The following TNRC6C variants were observed in gnomAD, a reference collection of about 807,000 sequenced individuals.
TNRC6C encodes trinucleotide repeat-containing gene 6C protein.
In TNRC6C, 20 loss-of-function variants were observed where a neutral mutation model predicts 153.7. That is an observed-to-expected ratio of 0.13 (90% CI 0.09 to 0.19). The LOEUF (loss-of-function observed/expected upper bound fraction) is 0.19, where lower values mean the gene tolerates loss of function less well. Among genes scored for constraint, TNRC6C ranks in the 10% least tolerant of loss-of-function variants. The pLI is 1.00. For synonymous variants in TNRC6C, 811 were observed against 841.4 expected (o/e 0.96, Z 0.63); for missense variants, 1,987 against 2,172.0 (o/e 0.91, Z 1.69).
Position 78,104,365 on chromosome 17 carries a change from A to G in TNRC6C, c.4713-120A>G, listed in dbSNP as rs2073651080. The G allele has an allele frequency of 2.2e-6, 3 of 1,362,464 alleles. No homozygotes were observed. The South Asian group carries it at 5.0e-5, about 23-fold the overall frequency. 84.4% of individuals were successfully genotyped at this position (1,362,464 alleles called of 1,614,324 possible). A position where few individuals can be genotyped will look rare whatever the true frequency, so the allele number is the denominator to read the frequency against. ...GTCTGGGTTTGGAAATAGCAGTGGC[A>G]AAACAGAAGCCACAGGATGGCTTCC... is the stretch of plus-strand genomic sequence containing the variant. On this transcript the variant is annotated intron_variant, in intron 19 of 19. Coordinates refer to ENST00000301624, the Ensembl canonical transcript of TNRC6C. The surrounding 1 kb of genome is among the most constrained non-coding windows in gnomAD (Gnocchi z 6.2).
rs770666252 is a variant in TNRC6C at position 78,103,687 on chromosome 17, AG to A, written c.4712+136del. 2.0e-5 allele frequency: 26 copies of A among 1,295,528 alleles called. 1 individual carries two copies. Among genetic ancestry groups the A allele is most frequent in the East Asian group, 1.7e-4 (7 of 40,470 alleles). The allele number at this position is 1,295,528 out of a possible 1,614,324, so 80.3% of individuals were successfully genotyped here. A position where few individuals can be genotyped will look rare whatever the true frequency, so the allele number is the denominator to read the frequency against. ...AGGCTGGCCACCCTCCCACTTCTGG[AG>A]GCTGGAAGTCTGATACCCAAGATGA... On this transcript the variant is annotated intron_variant, in intron 19 of 19. Coordinates refer to ENST00000301624, the Ensembl canonical transcript of TNRC6C.
intron 1 of TNRC6C, among the ~76,000 whole-genome samples, chr17:77,983,871 T>C (rs1196134892): frequency 6.6e-6 from 1 of 152,202 alleles, no homozygotes; most frequent in African/African-American, 2.4e-5. Context: ...GAGTAATTAA[T>C]ATAGCCAGTG....
chr17:78,040,341 T>G (rs2072267043), intron 2 of TNRC6C, among the ~76,000 whole-genome samples: 1 of 152,178 alleles, frequency 6.6e-6, no homozygotes. Context: ...TAAAAAATAA[T>G]AATAATAATA....
intron 1 of TNRC6C, among the ~76,000 whole-genome samples, chr17:77,970,171 G>T (rs1336998383): frequency 6.6e-6 from 1 of 152,234 alleles, no homozygotes; most frequent in African/African-American, 2.4e-5. Flanking sequence ...CAGACACCTG[G>T]TTTGGGCTAA....
At chr17:77,997,955 A>G (rs2071355292) in intron 1 of TNRC6C, among the ~76,000 whole-genome samples, 1 of 152,132 alleles carries the variant, frequency 6.6e-6, no homozygotes, top group African/African-American at 2.4e-5. Context: ...CGCCTGGCCG[A>G]CAACCATTTT....
chr17:78,077,766 T>G (rs576255796), intron 9 of TNRC6C: 12 of 184,776 alleles, frequency 6.5e-5, no homozygotes, highest in African/African-American at 2.9e-4. Flanking sequence ...AAAGATGACA[T>G]CTCTTGCAAG....
chr17:78,094,143 A>G (rs9899880), intron 16 of TNRC6C, among the ~76,000 whole-genome samples: 35,717 of 151,694 alleles, frequency 0.24, 5,006 homozygotes, highest in African/African-American at 0.38. Context: ...CACCATACCA[A>G]GCTAATTTTT....
At chr17:78,041,313 C>G (rs923669089) in intron 2 of TNRC6C, among the ~76,000 whole-genome samples, 1 of 152,138 alleles carries the variant, frequency 6.6e-6, no homozygotes, top group Admixed American at 6.5e-5. Context: ...TGCTAAAGAT[C>G]TGCCGCACGG....
chr17:78,073,993 G>T (rs1001403382), intron 7 of TNRC6C, among the ~76,000 whole-genome samples: 2 of 152,158 alleles, frequency 1.3e-5, no homozygotes, highest in African/African-American at 2.4e-5. Context: ...ACAGGTCAGT[G>T]AATTTTTTAG....
At chr17:78,032,025 C>T (rs1387781354) in intron 2 of TNRC6C, among the ~76,000 whole-genome samples, 183 bp downstream of exon 4, 1 of 152,072 alleles carries the variant, frequency 6.6e-6, no homozygotes, top group Non-Finnish European at 1.5e-5. Flanking sequence ...TATTTATTTA[C>T]ATTATTGGTC....
intron 1 of TNRC6C, among the ~76,000 whole-genome samples, chr17:77,973,625 T>C (rs776095421): frequency 1.9e-4 from 29 of 152,352 alleles, no homozygotes; most frequent in Non-Finnish European, 3.1e-4. Flanking sequence ...CTTGAACTAG[T>C]AAATAAGTTT....
chr17:78,091,356 A>G lies in TNRC6C; in HGVS notation c.3803-84A>G, dbSNP rs1019111071. Reference sequence around the variant, plus strand: ...AAAAAAAAAAATTTGCTGTAAGCGAAGACTGAAATAGCTTCTATAGGAGAG... The same window carrying G: ...AAAAAAAAAAATTTGCTGTAAGCGAGGACTGAAATAGCTTCTATAGGAGAG... On this transcript the variant is annotated intron_variant, in intron 13 of 19. Coordinates refer to ENST00000301624, the Ensembl canonical transcript of TNRC6C. 3 of 1,366,502 alleles carry G rather than the reference A, an allele frequency of 2.2e-6. No homozygotes were observed. In the African/African-American group the frequency reaches 4.5e-5, roughly 21 times the overall value. 84.6% of individuals were successfully genotyped at this position (1,366,502 alleles called of 1,614,324 possible). A position where few individuals can be genotyped will look rare whatever the true frequency, so the allele number is the denominator to read the frequency against.
At chr17:78,004,553 G>GA (rs1159633514), upstream of TNRC6C, among the ~76,000 whole-genome samples, 2 of 152,032 alleles carry the variant, frequency 1.3e-5, no homozygotes, top group Non-Finnish European at 2.9e-5. Context: ...GAACTGTCCT[G>GA]AACAACCATG....
chr17:77,969,311 G>T (rs925172739), intron 1 of TNRC6C, among the ~76,000 whole-genome samples: 2 of 151,556 alleles, frequency 1.3e-5, no homozygotes, highest in African/African-American at 4.9e-5. Flanking sequence ...GTGCAGTGGC[G>T]CAATCTCGGC....
intron 7 of TNRC6C, among the ~76,000 whole-genome samples, chr17:78,074,446 C>T (rs1415597543): frequency 6.6e-6 from 1 of 152,180 alleles, no homozygotes; most frequent in Middle Eastern, 3.2e-3. Context: ...ACTGTCTAAT[C>T]GTGCACGTGC....
At chr17:77,960,584 G>A (rs928628615) in intron 1 of TNRC6C, among the ~76,000 whole-genome samples, 4 of 152,200 alleles carry the variant, frequency 2.6e-5, no homozygotes, top group African/African-American at 9.7e-5. Context: ...TGTGTAGGGG[G>A]TGTTGGCAAT....
chr17:77,998,137 A>G (rs1364896976), intron 1 of TNRC6C, among the ~76,000 whole-genome samples: 1 of 152,088 alleles, frequency 6.6e-6, no homozygotes, highest in African/African-American at 2.4e-5. Context: ...CCAACAAAAC[A>G]ACTCCCTTGC....
chr17:77,993,969 G>A (rs1304442793), intron 1 of TNRC6C, among the ~76,000 whole-genome samples: 1 of 152,098 alleles, frequency 6.6e-6, no homozygotes, highest in African/African-American at 2.4e-5. Context: ...GAGGTGGGCA[G>A]ATCACCTGAG....
chr17:78,107,570 C>G (rs1484998501), exon 20 of TNRC6C: 1 of 152,266 alleles, frequency 6.6e-6, no homozygotes, highest in Non-Finnish European at 1.5e-5. Flanking sequence ...TTCCTCAGAG[C>G]TCACATACGT....
Sources: gnomAD v4.1 joint callset for allele counts (sites outside exome capture counted in the v4.1 genomes callset) on GRCh38, gnomAD v4.1.1 for gene constraint, Gnocchi (gnomAD v3.1) non-coding constraint, MANE v1.5 for transcripts, NCBI Gene and HGNC (gene_info 2026-07-23, HGNC 2026-07-21) for gene names.